Variants in RGS6 observed in about 807,000 individuals in gnomAD.
RGS6 encodes regulator of G-protein signaling 6.
RGS6 carries 30 observed loss-of-function variants against 78.5 expected under a neutral mutation model. The ratio of observed to expected loss-of-function variants is 0.38; its 90% CI spans 0.29 to 0.52. The LOEUF (loss-of-function observed/expected upper bound fraction) is 0.52, where lower values mean the gene tolerates loss of function less well. Among genes scored for constraint, RGS6 ranks in the 20% least tolerant of loss-of-function variants. The probability of loss-of-function intolerance (pLI) is 0.85; values close to 1 mark genes in which losing one functional copy is unlikely to be tolerated. For synonymous variants in RGS6, 206 were observed against 206.0 expected, an observed-to-expected ratio of 1.00 and a Z score of 0.00; for missense variants, 495 against 609.7, an observed-to-expected ratio of 0.81 and a Z score of 1.98.
chr14:72,561,471 G>A (rs2097675557), intron 17 of RGS6, among the ~76,000 whole-genome samples: 1 of 152,202 alleles, frequency 6.6e-6, no homozygotes, highest in African/African-American at 2.4e-5. Context: ...TTTCTAAAGA[G>A]GGTGAGCTGG....
intron 2 of RGS6, among the ~76,000 whole-genome samples, chr14:72,147,637 A>C (rs2096623257): frequency 1.3e-5 from 2 of 152,290 alleles, no homozygotes; most frequent in South Asian, 2.1e-4. Flanking sequence ...ATCGTAGCAC[A>C]TGGGGTACAG....
chr14:72,411,640 G>T (rs1289585096), intron 3 of RGS6, among the ~76,000 whole-genome samples: 3 of 152,170 alleles, frequency 2.0e-5, no homozygotes, highest in Non-Finnish European at 4.4e-5. Context: ...TCCCTGTCTT[G>T]TGCCAGTTTT....
chr14:72,478,525 A>G (rs2096292537), intron 12 of RGS6, among the ~76,000 whole-genome samples, 196 bp downstream of exon 12: 1 of 152,162 alleles, frequency 6.6e-6, no homozygotes, highest in Non-Finnish European at 1.5e-5. Flanking sequence ...ATGTCAAGAA[A>G]TGTTCCGTTG....
At chr14:71,970,383 C>T (rs1414984800) in intron 2 of RGS6, among the ~76,000 whole-genome samples, 1 of 152,104 alleles carries the variant, frequency 6.6e-6, no homozygotes, top group Non-Finnish European at 1.5e-5. Flanking sequence ...CTCTGATACC[C>T]CAAGGTCACT....
chr14:72,533,275 T>C (rs1224229580), intron 15 of RGS6, among the ~76,000 whole-genome samples: 1 of 152,254 alleles, frequency 6.6e-6, no homozygotes, highest in Non-Finnish European at 1.5e-5. Flanking sequence ...CGGCATGGTT[T>C]ACTGAATACT....
intron 2 of RGS6, among the ~76,000 whole-genome samples, chr14:72,226,073 A>G (rs1160467814): frequency 1.3e-5 from 2 of 152,190 alleles, no homozygotes; most frequent in Non-Finnish European, 2.9e-5. Flanking sequence ...GGGTGTTTAG[A>G]TGTAATTTTC....
intron 2 of RGS6, among the ~76,000 whole-genome samples, chr14:72,297,303 T>C (rs2065034381): frequency 6.6e-6 from 1 of 152,070 alleles, no homozygotes; most frequent in African/African-American, 2.4e-5. Context: ...TATCGATTTC[T>C]ACAAAACGTC....
the RGS6 span, among the ~76,000 whole-genome samples, chr14:72,613,521 G>T: frequency 2.6e-5 from 4 of 152,196 alleles, no homozygotes; most frequent in African/African-American, 7.2e-5. Context: ...AAGGCCACCT[G>T]CCCTATGACC....
At chr14:72,453,910 T>G (rs1291743494) in intron 3 of RGS6, among the ~76,000 whole-genome samples, 1 of 152,194 alleles carries the variant, frequency 6.6e-6, no homozygotes, top group Non-Finnish European at 1.5e-5. Flanking sequence ...ATGTAGGAGT[T>G]TTTATGGTCC....
At chr14:71,935,108 C>T (rs923162951) in intron 1 of RGS6, among the ~76,000 whole-genome samples, 7 of 152,158 alleles carry the variant, frequency 4.6e-5, no homozygotes, top group African/African-American at 7.2e-5. Flanking sequence ...TTCTTTGTAA[C>T]ATATGGCATG....
intron 7 of RGS6, among the ~76,000 whole-genome samples, chr14:72,468,418 T>G (rs2095983597): frequency 6.6e-6 from 1 of 151,526 alleles, no homozygotes; most frequent in Non-Finnish European, 1.5e-5. Flanking sequence ...TGCTCTCAGG[T>G]TGAAGTTCTG....
At chr14:72,310,523 A>T (rs1040782937) in intron 2 of RGS6, among the ~76,000 whole-genome samples, 2 of 152,146 alleles carry the variant, frequency 1.3e-5, no homozygotes, top group African/African-American at 2.4e-5. Context: ...TAGCTTAATT[A>T]TTGGGGAAAA....
At chr14:72,488,554 C>G (rs1425728489) in intron 12 of RGS6, among the ~76,000 whole-genome samples, 4 of 152,226 alleles carry the variant, frequency 2.6e-5, no homozygotes, top group Admixed American at 2.6e-4. Flanking sequence ...TATTTCATTA[C>G]AGCTTAAATA....
At chr14:72,188,983 G>A (rs527464762) in intron 2 of RGS6, among the ~76,000 whole-genome samples, 4 of 152,282 alleles carry the variant, frequency 2.6e-5, no homozygotes, top group South Asian at 2.1e-4. Context: ...CGAGGTGCTC[G>A]AGGGATTACA....
intron 2 of RGS6, among the ~76,000 whole-genome samples, chr14:72,264,306 C>T (rs1206728871): frequency 2.0e-5 from 3 of 152,188 alleles, no homozygotes; most frequent in African/African-American, 7.2e-5. Context: ...ACTTAAAGCA[C>T]TTTAAGCAGC....
At chr14:72,181,818 T>C (rs903004965) in intron 2 of RGS6, among the ~76,000 whole-genome samples, 1 of 152,230 alleles carries the variant, frequency 6.6e-6, no homozygotes, top group Non-Finnish European at 1.5e-5. Flanking sequence ...ATGTGCCTAA[T>C]AGAGTCAGAG....
chr14:72,439,268 G>A (rs1248328498), intron 3 of RGS6, among the ~76,000 whole-genome samples: 1 of 152,236 alleles, frequency 6.6e-6, no homozygotes, highest in African/African-American at 2.4e-5. Flanking sequence ...TCAGCACAGA[G>A]AACGATATGG....
chr14:72,446,419 C>A (rs1019861043), intron 3 of RGS6, among the ~76,000 whole-genome samples: 1 of 152,154 alleles, frequency 6.6e-6, no homozygotes, highest in Non-Finnish European at 1.5e-5. Flanking sequence ...GTTCTCTTGA[C>A]GTTGAAAGCC....
chr14:72,347,775 G>A (rs1224101546), intron 2 of RGS6, among the ~76,000 whole-genome samples: 4 of 152,142 alleles, frequency 2.6e-5, no homozygotes, highest in African/African-American at 9.7e-5. Context: ...CCTCTGTTCT[G>A]TATTTTTAAT....
Sources: gnomAD v4.1 joint callset for allele counts (sites outside exome capture counted in the v4.1 genomes callset) on GRCh38, gnomAD v4.1.1 for gene constraint, MANE v1.5 for transcripts, NCBI Gene and HGNC (gene_info 2026-07-23, HGNC 2026-07-21) for gene names.